The following GPHN variants were observed in gnomAD, a reference collection of about 807,000 sequenced individuals.
The protein encoded by GPHN is gephyrin.
In GPHN, 17 loss-of-function variants were observed where a neutral mutation model predicts 95.5. That is an observed-to-expected ratio of 0.18 (90% CI 0.12 to 0.27). The LOEUF is 0.27. GPHN is among the 10% of genes least tolerant of loss of function. The pLI, the probability that GPHN is intolerant of heterozygous loss-of-function variation, is 1.00. For synonymous variants in GPHN, 320 were observed against 322.5 expected, an observed-to-expected ratio of 0.99 and a Z score of 0.08; for missense variants, 660 against 978.1, an observed-to-expected ratio of 0.67 and a Z score of 4.34.
the GPHN span, among the ~76,000 whole-genome samples, chr14:67,313,487 C>T: frequency 1.3e-5 from 2 of 152,096 alleles, no homozygotes; most frequent in African/African-American, 2.4e-5. Context: ...CAGTGCATGA[C>T]TGTATGTAGA....
the GPHN span, among the ~76,000 whole-genome samples, chr14:67,284,429 T>TAAAAAAAAAAAAAAAAAAAA: frequency 2.2e-4 from 20 of 92,666 alleles, 3 homozygotes; most frequent in African/African-American, 1.1e-3. Context: ...CCCTATCTCT[T>TAAAAAAAAAAAAAAAAAAAA]AAAAAAAAAA....
the GPHN span, chr14:67,223,900 T>C: frequency 1.0e-6 from 1 of 985,532 alleles, no homozygotes; most frequent in Non-Finnish European, 1.2e-6. Flanking sequence ...TGAATCTTAA[T>C]ACCTCATTTT....
chr14:66,844,660 A>G (rs1157678733), intron 4 of GPHN, among the ~76,000 whole-genome samples: 3 of 152,162 alleles, frequency 2.0e-5, no homozygotes, highest in African/African-American at 7.2e-5. Flanking sequence ...AAAATTTGTC[A>G]GTGTGAAGAA....
intron 3 of GPHN, among the ~76,000 whole-genome samples, chr14:66,785,205 A>G (rs2153466033): frequency 6.6e-6 from 1 of 152,186 alleles, no homozygotes; most frequent in East Asian, 1.9e-4. Context: ...TGTCTCTACT[A>G]AAAGTACAGG....
the GPHN span, among the ~76,000 whole-genome samples, chr14:67,604,839 G>A: frequency 7.2e-4 from 110 of 152,140 alleles, no homozygotes; most frequent in African/African-American, 2.6e-3. Context: ...GGGTCATTTT[G>A]TTTCCCAGCA....
chr14:67,438,860 C>CAAA, the GPHN span, among the ~76,000 whole-genome samples: 28 of 55,880 alleles, frequency 5.0e-4, no homozygotes, highest in Non-Finnish European at 5.3e-4. Flanking sequence ...GACTCCGTCT[C>CAAA]AAAAAAAAAA....
intron 18 of GPHN, among the ~76,000 whole-genome samples, chr14:67,155,979 A>G (rs1468726877): frequency 1.3e-5 from 2 of 152,208 alleles, no homozygotes; most frequent in East Asian, 3.8e-4. Flanking sequence ...CAGGAAAAAA[A>G]TACTGCCAGT....
chr14:66,560,580 C>T (rs1371456212), intron 1 of GPHN, among the ~76,000 whole-genome samples: 1 of 152,078 alleles, frequency 6.6e-6, no homozygotes, highest in African/African-American at 2.4e-5. Context: ...TGATTTTTTG[C>T]ACATTGATTT....
the GPHN span, among the ~76,000 whole-genome samples, chr14:67,190,132 CT>C: frequency 2.0e-4 from 28 of 139,496 alleles, no homozygotes; most frequent in Non-Finnish European, 4.1e-4. Context: ...CCAGGCTGGT[CT>C]TTAACTCCTG....
chr14:66,809,025 TAAG>T (rs1002825788), intron 3 of GPHN, among the ~76,000 whole-genome samples: 1 of 152,132 alleles, frequency 6.6e-6, no homozygotes, highest in African/African-American at 2.4e-5. Context: ...TTGCAGGAAA[TAAG>T]AAGGTAAGTT....
the GPHN span, among the ~76,000 whole-genome samples, chr14:67,217,294 A>G: frequency 6.6e-6 from 1 of 151,856 alleles, no homozygotes; most frequent in Non-Finnish European, 1.5e-5. Flanking sequence ...GTCTATATGC[A>G]TCTTTACAGG....
At chr14:67,473,294 T>C in the GPHN span, 12 of 1,332,880 alleles carry the variant, frequency 9.0e-6, no homozygotes, top group Non-Finnish European at 1.1e-5. The surrounding 1 kb of genome is among the most constrained non-coding windows in gnomAD (Gnocchi z 6.5). Flanking sequence ...GGGCTCTGTG[T>C]GCCCTATAGG....
chr14:67,154,847 A>C (rs1175618178), intron 18 of GPHN, among the ~76,000 whole-genome samples: 1 of 152,162 alleles, frequency 6.6e-6, no homozygotes, highest in African/African-American at 2.4e-5. Context: ...AACTATGTAA[A>C]ATTTTTTAAA....
the GPHN span, among the ~76,000 whole-genome samples, chr14:67,614,210 T>C: frequency 6.6e-6 from 1 of 152,186 alleles, no homozygotes; most frequent in African/African-American, 2.4e-5. Flanking sequence ...GTGCTAGCAT[T>C]ATAGGCATGA....
chr14:67,302,239 A>G, the GPHN span: 7 of 1,216,154 alleles, frequency 5.8e-6, no homozygotes, highest in South Asian at 8.7e-5. Flanking sequence ...AGTGTGGGGG[A>G]AATGGTCAAC....
chr14:67,621,461 T>C, the GPHN span, among the ~76,000 whole-genome samples: 1 of 152,180 alleles, frequency 6.6e-6, no homozygotes, highest in African/African-American at 2.4e-5. Flanking sequence ...GTTCTTTTTT[T>C]TTTTCTTTTT....
intron 13 of GPHN, among the ~76,000 whole-genome samples, chr14:67,107,556 G>A (rs1267281286): frequency 6.6e-6 from 1 of 152,178 alleles, no homozygotes; most frequent in African/African-American, 2.4e-5. Context: ...GGGGAGCAGG[G>A]TATGGCCGCA....
At chr14:67,466,184 A>T in the GPHN span, among the ~76,000 whole-genome samples, 2 of 152,268 alleles carry the variant, frequency 1.3e-5, no homozygotes, top group Admixed American at 1.3e-4. Flanking sequence ...GACCCTTCTA[A>T]ACCAGAAAAC....
intron 2 of GPHN, among the ~76,000 whole-genome samples, chr14:66,685,529 A>T (rs1191116272): frequency 2.0e-5 from 3 of 152,108 alleles, no homozygotes; most frequent in Admixed American, 6.6e-5. Context: ...TCATGTATCT[A>T]TTTGCTGCAT....
Sources: gnomAD v4.1 joint callset for allele counts (sites outside exome capture counted in the v4.1 genomes callset) on GRCh38, gnomAD v4.1.1 for gene constraint, Gnocchi (gnomAD v3.1) non-coding constraint, MANE v1.5 for transcripts, NCBI Gene and HGNC (gene_info 2026-07-23, HGNC 2026-07-21) for gene names.